The following ATP6V1C2 variants were observed in gnomAD, a reference collection of about 807,000 sequenced individuals.
The protein encoded by ATP6V1C2 is ATPase H+ transporting V1 subunit C2.
ATP6V1C2 carries 45 observed loss-of-function variants against 56.8 expected under a neutral mutation model. That is an observed-to-expected ratio of 0.79 (90% CI 0.62 to 1.02). The LOEUF is 1.02. ATP6V1C2 is among the 50% of genes least tolerant of loss of function. The pLI is 0.00. For missense variants in ATP6V1C2, 463 were observed against 519.7 expected (o/e 0.89, Z 1.06); for synonymous variants, 220 against 201.3 (o/e 1.09, Z -0.79).
At chr2:10,734,069 A>ATGAC (rs1302359950) in intron 3 of ATP6V1C2, among the ~76,000 whole-genome samples, 1 of 152,196 alleles carries the variant, frequency 6.6e-6, no homozygotes, top group East Asian at 1.9e-4. Context: ...TCAGATTGAG[A>ATGAC]TGACCTATGT....
intron 8 of ATP6V1C2, among the ~76,000 whole-genome samples, chr2:10,773,414 A>G (rs879890681): frequency 6.6e-5 from 10 of 152,074 alleles, no homozygotes; most frequent in Admixed American, 3.9e-4. Context: ...ATGGAGTCTC[A>G]CTCTGTTGCC....
chr2:10,755,804 A>G (rs1663520673), intron 4 of ATP6V1C2, among the ~76,000 whole-genome samples: 1 of 152,200 alleles, frequency 6.6e-6, no homozygotes, highest in Non-Finnish European at 1.5e-5. Flanking sequence ...CCGTCCAGTA[A>G]AAAGAACAGA....
At chr2:10,741,752 G>A (rs1662562120) in intron 3 of ATP6V1C2, among the ~76,000 whole-genome samples, 1 of 152,184 alleles carries the variant, frequency 6.6e-6, no homozygotes, top group African/African-American at 2.4e-5. Context: ...TTGGCTTTGT[G>A]TGTGGAGCAT....
intron 5 of ATP6V1C2, among the ~76,000 whole-genome samples, chr2:10,764,859 T>C (rs1553331774): frequency 1.3e-5 from 2 of 152,204 alleles, no homozygotes; most frequent in East Asian, 1.9e-4. Context: ...TAGTCCTTGC[T>C]GCTCGGGAGG....
chr2:10,764,693 C>G (rs1327601493), intron 5 of ATP6V1C2, among the ~76,000 whole-genome samples: 2 of 152,178 alleles, frequency 1.3e-5, no homozygotes, highest in African/African-American at 4.8e-5. Context: ...TGATGGTGGC[C>G]GGGCACGGTG....
At chr2:10,778,955 C>T (rs1214425643) in intron 12 of ATP6V1C2, among the ~76,000 whole-genome samples, 1 of 152,242 alleles carries the variant, frequency 6.6e-6, no homozygotes. Flanking sequence ...TGGCTGGCTC[C>T]TGTCCCCACC....
intron 13 of ATP6V1C2, among the ~76,000 whole-genome samples, chr2:10,782,955 T>A (rs543019028): frequency 6.7e-6 from 1 of 150,282 alleles, no homozygotes; most frequent in South Asian, 2.1e-4. Context: ...TGACAGAAAC[T>A]GTCTCAAAAA....
Position 10,771,967 on chromosome 2 carries a change from G to A in ATP6V1C2, c.569+30G>A, listed in dbSNP as rs374544202. ...GTGCTGGGCGATCACGAAGGAAACC[G>A]GCCCTGCCCAGTGGAGAGGAAGGTG... is the stretch of plus-strand genomic sequence containing the variant. On this transcript the variant is annotated intron_variant, in intron 7 of 13. Transcript: ENST00000272238. The A allele has an allele frequency of 3.1e-5, 50 of 1,589,958 alleles. No individual in the cohort carries two copies. In the Admixed American group the frequency reaches 3.3e-4, roughly 11 times the overall value.
chr2:10,746,657 G>T (rs995211968), intron 3 of ATP6V1C2, among the ~76,000 whole-genome samples: 1 of 152,022 alleles, frequency 6.6e-6, no homozygotes, highest in African/African-American at 2.4e-5. Context: ...TGATCCACCC[G>T]CCTCGGCCTT....
At chr2:10,771,772 G>A in intron 6 of ATP6V1C2, 67 bp from the exon 7 acceptor site, 1 of 1,254,026 alleles carries the variant, frequency 8.0e-7, no homozygotes, top group Non-Finnish European at 1.2e-6. Flanking sequence ...GGGTGTGGGT[G>A]TGTGTGGGGT....
intron 4 of ATP6V1C2, chr2:10,757,589 T>G (rs1423789320): frequency 7.6e-6 from 3 of 396,700 alleles, no homozygotes; most frequent in East Asian, 7.1e-5. Context: ...ACCTTGTAAC[T>G]TGGTCACAAT....
chr2:10,775,044 A>G lies in ATP6V1C2; in HGVS notation c.798A>G (p.Arg266=). The part of the protein sequence containing the change: ...EIEREREEMA[R]LLSDKKQQYQ... ...AAAGGGAAAGGGAGGAGATGGCCAG[A>G]TTGCTGTCTGATAAGAAGCAACAGT... Residue 266 remains arginine, a synonymous_variant, in exon 10 of 14, where the codon AGA becomes AGG. Transcript: ENST00000272238. 6.2e-7 allele frequency: 1 copy of G among 1,614,000 alleles called. No individual in the cohort carries two copies. Among genetic ancestry groups the G allele is most frequent in the Non-Finnish European group, 8.5e-7 (1 of 1,179,968 alleles).
At chr2:10,749,185 A>G (rs1210726495) in intron 3 of ATP6V1C2, among the ~76,000 whole-genome samples, 2 of 151,488 alleles carry the variant, frequency 1.3e-5, no homozygotes, top group African/African-American at 4.8e-5. Context: ...AAAATTATAT[A>G]TATCAACAAA....
chr2:10,769,533 G>A (rs763436621), intron 6 of ATP6V1C2, among the ~76,000 whole-genome samples: 4 of 152,030 alleles, frequency 2.6e-5, no homozygotes, highest in African/African-American at 9.7e-5. Context: ...GTGAAACCCC[G>A]TCCCTACTAA....
At position 10,774,979 on chromosome 2, in the gene ATP6V1C2, T is replaced by C; in HGVS notation, c.733T>C (p.Phe245Leu). The stretch of plus-strand genomic sequence containing the variant: ...AACCCATGATTTGCTTGTTTTAAGG[T>C]TCACTGTTCGTGAATTTTACTATGA... The part of the protein sequence containing the change: ...DFKTKAKENK[F>L]TVREFYYDEK... Residue 245 changes from phenylalanine (F) to leucine (L), a missense_variant and splice_region_variant, in exon 10 of 14, where the codon TTC becomes CTC. Coordinates refer to ENST00000272238, the MANE Select transcript of ATP6V1C2 (RefSeq NM_001039362.2). 3 of 1,614,026 alleles carry C rather than the reference T, an allele frequency of 1.9e-6. No individual in the cohort carries two copies. Among genetic ancestry groups the C allele is most frequent in the Non-Finnish European group, 2.5e-6 (3 of 1,179,908 alleles).
chr2:10,745,611 G>A (rs1662866179), intron 3 of ATP6V1C2, among the ~76,000 whole-genome samples: 1 of 152,148 alleles, frequency 6.6e-6, no homozygotes, highest in Non-Finnish European at 1.5e-5. Flanking sequence ...AAAGTGCTGG[G>A]TTTACAGGCA....
At chr2:10,750,780 G>A (rs1206218747) in intron 3 of ATP6V1C2, among the ~76,000 whole-genome samples, 1 of 152,216 alleles carries the variant, frequency 6.6e-6, no homozygotes, top group African/African-American at 2.4e-5. Context: ...ATAGGAGACA[G>A]CAACTCCCAC....
intron 7 of ATP6V1C2, among the ~76,000 whole-genome samples, 165 bp from the exon 8 acceptor site, chr2:10,772,377 T>C (rs553743961): frequency 1.3e-5 from 2 of 152,232 alleles, no homozygotes; most frequent in South Asian, 4.1e-4. Context: ...GGGCAGGGGA[T>C]TCCCCATGGG....
intron 3 of ATP6V1C2, among the ~76,000 whole-genome samples, chr2:10,744,924 C>T (rs1315194229): frequency 2.0e-5 from 3 of 151,652 alleles, no homozygotes; most frequent in Non-Finnish European, 4.4e-5. Context: ...CCGCCTCAGC[C>T]TCCCAAAGTG....
Sources: gnomAD v4.1 joint callset for allele counts (sites outside exome capture counted in the v4.1 genomes callset) on GRCh38, gnomAD v4.1.1 for gene constraint, MANE v1.5 for transcripts, NCBI Gene and HGNC (gene_info 2026-07-23, HGNC 2026-07-21) for gene names.